The following EYS variants were observed in gnomAD, a reference collection of about 807,000 sequenced individuals.
EYS encodes EGF-like photoreceptor maintenance factor, also known as protein eyes shut homolog.
In EYS, 250 loss-of-function variants were observed where a neutral mutation model predicts 282.1. The ratio of observed to expected loss-of-function variants is 0.89; its 90% CI spans 0.80 to 0.98. EYS has a LOEUF of 0.98. Among genes scored for constraint, EYS ranks in the 50% least tolerant of loss-of-function variants. The probability of loss-of-function intolerance (pLI) is 0.00; values close to 1 mark genes in which losing one functional copy is unlikely to be tolerated. For missense variants in EYS, 4,016 were observed against 3,709.0 expected (o/e 1.08, Z -2.15); for synonymous variants, 1,355 against 1,282.9 (o/e 1.06, Z -1.20).
chr6:64,505,493 C>A (rs1777178548), intron 26 of EYS, among the ~76,000 whole-genome samples: 1 of 152,180 alleles, frequency 6.6e-6, no homozygotes, highest in African/African-American at 2.4e-5. Flanking sequence ...CACCGGCTCA[C>A]CCTCAATGAT....
At chr6:64,802,057 G>A (rs1333573143) in intron 22 of EYS, among the ~76,000 whole-genome samples, 4 of 104,760 alleles carry the variant, frequency 3.8e-5, no homozygotes, top group Non-Finnish European at 7.2e-5. Context: ...TTTTTGAGAC[G>A]GAGTCTCACT....
At chr6:64,144,931 G>C (rs868832904) in intron 31 of EYS, among the ~76,000 whole-genome samples, 100 of 152,234 alleles carry the variant, frequency 6.6e-4, no homozygotes, top group African/African-American at 2.3e-3. Flanking sequence ...GCACATGTTT[G>C]TGTATCTCTA....
chr6:65,454,478 T>A lies in EYS; in HGVS notation c.862+36116A>T, dbSNP rs954840400. Among the ~76,000 whole-genome samples the A allele has an allele frequency of 2.0e-5, 3 of 152,146 alleles. No homozygotes were observed. The East Asian group carries it at 5.8e-4, about 29-fold the overall frequency. ...TGTTTCTTCAACTTGGCTAATAGTT[T>A]CCTTTTCTGTGTAAATGCATGTTAG... On this transcript the variant is annotated intron_variant, in intron 5 of 42. Transcript: ENST00000503581.
At chr6:64,701,257 C>A (rs1460261251) in intron 22 of EYS, among the ~76,000 whole-genome samples, 2 of 151,990 alleles carry the variant, frequency 1.3e-5, no homozygotes, top group African/African-American at 4.8e-5. Flanking sequence ...AGACTTGAAG[C>A]CATAAAAATA....
intron 2 of EYS, among the ~76,000 whole-genome samples, chr6:65,512,764 A>G (rs1000287858): frequency 6.6e-6 from 1 of 152,122 alleles, no homozygotes; most frequent in African/African-American, 2.4e-5. Flanking sequence ...ACAGCATACC[A>G]GAATCTCTGG....
At chr6:65,150,846 C>T (rs955927533) in intron 12 of EYS, among the ~76,000 whole-genome samples, 1 of 151,510 alleles carries the variant, frequency 6.6e-6, no homozygotes, top group Non-Finnish European at 1.5e-5. Flanking sequence ...TGATTATTAC[C>T]AATTCTATCT....
intron 41 of EYS, among the ~76,000 whole-genome samples, chr6:63,761,240 C>T (rs939532292): frequency 1.3e-5 from 2 of 151,844 alleles, no homozygotes; most frequent in African/African-American, 4.8e-5. Context: ...ATCTCTACTC[C>T]AGGAAAGAGT....
chr6:64,293,968 A>T (rs1768808657), intron 30 of EYS, among the ~76,000 whole-genome samples: 1 of 152,196 alleles, frequency 6.6e-6, no homozygotes, highest in African/African-American at 2.4e-5. Flanking sequence ...GGCATAAGAC[A>T]TAAGCAAATA....
At position 64,270,861 on chromosome 6, in the gene EYS, T is replaced by C. The variant is rs924590389; in HGVS notation, c.6191+36109A>G. Among the ~76,000 whole-genome samples, 3 of 152,162 alleles carry C rather than the reference T, an allele frequency of 2.0e-5. No individual in the cohort carries two copies. In the South Asian group the frequency reaches 6.2e-4, roughly 32 times the overall value. On this transcript the variant is annotated intron_variant, in intron 30 of 42. Transcript: ENST00000503581. ...TATATCTTTTGTTTTGATCCCCAAC[T>C]GAAACAGCATAGTTGTTAATTTTAT...
chr6:65,330,382 C>T, intron 11 of EYS: 2 of 984,480 alleles, frequency 2.0e-6, no homozygotes, highest in Non-Finnish European at 2.4e-6. Flanking sequence ...GAGTCATGAA[C>T]ACTTCACAGT....
At chr6:63,964,931 T>C (rs910128105) in intron 35 of EYS, among the ~76,000 whole-genome samples, 1 of 152,176 alleles carries the variant, frequency 6.6e-6, no homozygotes, top group Non-Finnish European at 1.5e-5. Flanking sequence ...GTTTCTAAAA[T>C]AAAAACAATC....
chr6:64,124,081 A>C (rs778723330), intron 31 of EYS, among the ~76,000 whole-genome samples: 1 of 152,248 alleles, frequency 6.6e-6, no homozygotes, highest in Non-Finnish European at 1.5e-5. Flanking sequence ...ACGGAACAAT[A>C]TAAAGAAAAG....
chr6:64,937,843 G>T (rs866733178), intron 15 of EYS, among the ~76,000 whole-genome samples: 4 of 151,478 alleles, frequency 2.6e-5, no homozygotes, highest in East Asian at 3.9e-4. Context: ...TTATAGCAGC[G>T]TTATTCATAA....
At position 63,932,574 on chromosome 6, in the gene EYS, C is replaced by T. The variant is rs543491045; in HGVS notation, c.7055+51809G>A. On this transcript the variant is annotated intron_variant, in intron 35 of 42. Transcript: ENST00000503581. ...TTCCTAATATTTGATGTTCTTTCTTCTTCTCTCTATGCCCACTGCTGCTTT... is the reference window on the plus strand; with the variant it reads ...TTCCTAATATTTGATGTTCTTTCTTTTTCTCTCTATGCCCACTGCTGCTTT... 1.9e-4 allele frequency among the ~76,000 whole-genome samples: 29 copies of T among 152,234 alleles called. No individual in the cohort carries two copies. The South Asian group carries it at 2.5e-3, about 13-fold the overall frequency.
intron 22 of EYS, among the ~76,000 whole-genome samples, chr6:64,699,213 T>G (rs1056247710): frequency 1.3e-5 from 2 of 152,064 alleles, no homozygotes; most frequent in Non-Finnish European, 2.9e-5. Flanking sequence ...CTTAGCAAAC[T>G]AACACAGGAA....
intron 29 of EYS, among the ~76,000 whole-genome samples, chr6:64,357,270 T>A (rs1771853505): frequency 6.6e-6 from 1 of 151,638 alleles, no homozygotes; most frequent in African/African-American, 2.4e-5. Flanking sequence ...TTAGAGAACA[T>A]CATAAATACC....
intron 22 of EYS, among the ~76,000 whole-genome samples, chr6:64,664,505 A>G: frequency 6.6e-6 from 1 of 152,130 alleles, no homozygotes; most frequent in Non-Finnish European, 1.5e-5. Flanking sequence ...GGGAAGTGGG[A>G]TATTTGGCCA....
At chr6:65,559,419 T>A (rs1396967345) in intron 2 of EYS, among the ~76,000 whole-genome samples, 1 of 152,046 alleles carries the variant, frequency 6.6e-6, no homozygotes, top group East Asian at 1.9e-4. Context: ...AAAAAAAATT[T>A]TTTTTGGCTA....
chr6:65,124,310 T>C (rs1206727361), intron 12 of EYS, among the ~76,000 whole-genome samples: 2 of 152,162 alleles, frequency 1.3e-5, no homozygotes, highest in African/African-American at 4.8e-5. Context: ...ATTGAGAAAA[T>C]TTAAATATTA....
Sources: gnomAD v4.1 joint callset for allele counts (sites outside exome capture counted in the v4.1 genomes callset) on GRCh38, gnomAD v4.1.1 for gene constraint, MANE v1.5 for transcripts, NCBI Gene and HGNC (gene_info 2026-07-23, HGNC 2026-07-21) for gene names.